Variants in OSBPL8 observed in about 807,000 individuals in gnomAD.
OSBPL8 encodes the protein oxysterol binding protein like 8, also known as oxysterol-binding protein-related protein 8.
In OSBPL8, 59 loss-of-function variants were observed where a neutral mutation model predicts 125.5. The ratio of observed to expected loss-of-function variants is 0.47; its 90% CI spans 0.38 to 0.58. OSBPL8 has a LOEUF of 0.58. OSBPL8 is among the 20% of genes least tolerant of loss of function. OSBPL8 has a pLI of 0.00. For synonymous variants in OSBPL8, 330 were observed against 338.9 expected (o/e 0.97, Z 0.29); for missense variants, 758 against 1,047.8 (o/e 0.72, Z 3.82).
At position 76,406,810 on chromosome 12, in the gene OSBPL8, G is replaced by A. The variant is rs184564515; in HGVS notation, c.288+3754C>T. Among the ~76,000 whole-genome samples the A allele has an allele frequency of 4.6e-5, 7 of 152,052 alleles. No homozygotes were observed. In the East Asian group the frequency reaches 9.7e-4, roughly 21 times the overall value. On this transcript the variant is annotated intron_variant, in intron 5 of 23. Coordinates refer to ENST00000261183, the MANE Select transcript of OSBPL8 (RefSeq NM_020841.5). The stretch of plus-strand genomic sequence containing the variant: ...TTTTGATTTGTAGAGTCAAGGTCTC[G>A]CTAGGTTGCCCAGGCTGGTCTCGAA...
At chr12:76,478,332 G>A (rs1462898355) in intron 2 of OSBPL8, among the ~76,000 whole-genome samples, 1 of 151,862 alleles carries the variant, frequency 6.6e-6, no homozygotes. Flanking sequence ...AAGTACCATG[G>A]TATTATTACA....
chr12:76,352,400 A>C lies in OSBPL8; in HGVS notation c.*3489T>G, dbSNP rs1951857305. 4 of 152,566 alleles carry C rather than the reference A, an allele frequency of 2.6e-5. No individual in the cohort carries two copies. The highest frequency in any genetic ancestry group is 2.6e-4 in the Admixed American group (4 of 15,264). 9.5% of individuals were successfully genotyped at this position (152,566 alleles called of 1,614,324 possible). A position where few individuals can be genotyped will look rare whatever the true frequency, so the allele number is the denominator to read the frequency against. On this transcript the variant is annotated 3_prime_UTR_variant, in exon 24 of 24. Coordinates refer to ENST00000261183, the MANE Select transcript of OSBPL8 (RefSeq NM_020841.5). ...TTCAATTAAAAACTAACAAAAATAA[A>C]CAGTATGTAAAGAGTAACAAAAAGT...
At chr12:76,554,616 T>C (rs1442112333) in intron 1 of OSBPL8, among the ~76,000 whole-genome samples, 1 of 152,238 alleles carries the variant, frequency 6.6e-6, no homozygotes, top group Non-Finnish European at 1.5e-5. Context: ...ACATGTCAAG[T>C]ACTTCTAGAG....
chr12:76,366,470 T>G (rs1952419854), intron 21 of OSBPL8: 1 of 347,950 alleles, frequency 2.9e-6, no homozygotes, highest in African/African-American at 2.2e-5. Context: ...TCGATTTTGT[T>G]GATTTTTATC....
chr12:76,399,999 G>A, intron 6 of OSBPL8, 25 bp from the exon 7 acceptor site: 2 of 1,534,048 alleles, frequency 1.3e-6, no homozygotes, highest in Non-Finnish European at 1.8e-6. Flanking sequence ...TAATAGAAAA[G>A]ATAAAAACTC....
At chr12:76,396,686 T>A (rs552139361) in intron 8 of OSBPL8, among the ~76,000 whole-genome samples, 3 of 152,202 alleles carry the variant, frequency 2.0e-5, no homozygotes, top group Admixed American at 2.0e-4. Flanking sequence ...CACGGGAGGT[T>A]GAGGCTGCAG....
chr12:76,457,406 T>C (rs1874188214), intron 3 of OSBPL8, among the ~76,000 whole-genome samples: 1 of 152,222 alleles, frequency 6.6e-6, no homozygotes, highest in South Asian at 2.1e-4. Context: ...AATAAACTAG[T>C]ACCTACATAT....
chr12:76,410,815 G>C (rs1954484024), intron 4 of OSBPL8, among the ~76,000 whole-genome samples, 181 bp from the exon 5 acceptor site: 1 of 152,100 alleles, frequency 6.6e-6, no homozygotes, highest in Non-Finnish European at 1.5e-5. Flanking sequence ...CTAAGGCTTA[G>C]AAAAAATGAA....
At chr12:76,464,527 A>G (rs1875156935) in intron 2 of OSBPL8, among the ~76,000 whole-genome samples, 1 of 152,212 alleles carries the variant, frequency 6.6e-6, no homozygotes, top group South Asian at 2.1e-4. Flanking sequence ...ATGCAAAAAA[A>G]AGTGATTTTA....
chr12:76,366,015 CTTAT>C (rs902364769), intron 21 of OSBPL8, among the ~76,000 whole-genome samples: 4 of 152,060 alleles, frequency 2.6e-5, no homozygotes, highest in Non-Finnish European at 5.9e-5. Flanking sequence ...ATGTATGAAT[CTTAT>C]TTATAAAGGT....
chr12:76,501,025 G>A (rs1879844141), intron 1 of OSBPL8, among the ~76,000 whole-genome samples: 1 of 151,882 alleles, frequency 6.6e-6, no homozygotes, highest in Non-Finnish European at 1.5e-5. Flanking sequence ...AGTAACTTTG[G>A]TTAATAAACT....
chr12:76,495,014 T>C (rs1174346271), intron 1 of OSBPL8, among the ~76,000 whole-genome samples: 3 of 152,174 alleles, frequency 2.0e-5, no homozygotes, highest in Non-Finnish European at 4.4e-5. Flanking sequence ...GGGCCACTAA[T>C]TAAATTAAAA....
chr12:76,422,839 C>A, intron 4 of OSBPL8: 2 of 228,384 alleles, frequency 8.8e-6, no homozygotes, highest in East Asian at 8.7e-5. Flanking sequence ...ATAGAGAAAG[C>A]CTGACAGAAA....
intron 1 of OSBPL8, among the ~76,000 whole-genome samples, chr12:76,532,717 A>C (rs929260168): frequency 7.8e-6 from 1 of 128,554 alleles, no homozygotes; most frequent in Non-Finnish European, 1.8e-5. Context: ...AGGAGTGGAC[A>C]AAAAAAAAAA....
intron 9 of OSBPL8, among the ~76,000 whole-genome samples, chr12:76,394,134 G>A (rs901397841): frequency 1.3e-5 from 2 of 151,886 alleles, no homozygotes; most frequent in African/African-American, 4.8e-5. Flanking sequence ...TGAAAGTGAG[G>A]ACAAAATCCA....
chr12:76,371,637 T>C, intron 18 of OSBPL8, 53 bp from the exon 19 acceptor site: 1 of 1,415,730 alleles, frequency 7.1e-7, no homozygotes, highest in Non-Finnish European at 9.4e-7. Flanking sequence ...TAGAAGGCAA[T>C]TATATAGTAT....
At chr12:76,490,208 A>G (rs1263659348) in intron 1 of OSBPL8, among the ~76,000 whole-genome samples, 1 of 152,232 alleles carries the variant, frequency 6.6e-6, no homozygotes, top group Non-Finnish European at 1.5e-5. Flanking sequence ...TGAAATTGAC[A>G]GGGACAGGGG....
chr12:76,555,316 T>G (rs1018141908), intron 1 of OSBPL8, among the ~76,000 whole-genome samples: 1 of 152,162 alleles, frequency 6.6e-6, no homozygotes, highest in African/African-American at 2.4e-5. Context: ...CTTCAAAAAT[T>G]TGAGGCTTCT....
chr12:76,405,492 A>G (rs1306588420), intron 5 of OSBPL8, among the ~76,000 whole-genome samples: 1 of 152,124 alleles, frequency 6.6e-6, no homozygotes, highest in East Asian at 1.9e-4. Flanking sequence ...TAACAATTCT[A>G]TATGATAAGC....
Sources: allele counts gnomAD v4.1 joint callset (sites outside exome capture counted in the v4.1 genomes callset), GRCh38; gene constraint gnomAD v4.1.1; transcripts MANE v1.5; gene names NCBI Gene and HGNC (gene_info 2026-07-23, HGNC 2026-07-21).